The following RFX4 variants were observed in gnomAD, a reference collection of about 807,000 sequenced individuals.
RFX4 encodes regulatory factor X4.
A neutral mutation model predicts 95.0 loss-of-function variants in RFX4; 10 were observed. That is an observed-to-expected ratio of 0.11 (90% CI 0.06 to 0.18). The LOEUF (loss-of-function observed/expected upper bound fraction) is 0.18. RFX4 is among the 10% of genes least tolerant of loss of function. RFX4 has a pLI of 1.00. For missense variants in RFX4, 640 were observed against 922.0 expected (o/e 0.69, Z 3.96); for synonymous variants, 321 against 340.7 (o/e 0.94, Z 0.64).
intron 16 of RFX4, among the ~76,000 whole-genome samples, chr12:106,748,671 G>A (rs967365430): frequency 9.9e-5 from 15 of 152,130 alleles, no homozygotes; most frequent in African/African-American, 3.1e-4. Context: ...GATCCTGACC[G>A]GGCACAGTGG....
At chr12:106,732,608 G>A (rs779626553) in intron 14 of RFX4, among the ~76,000 whole-genome samples, 43 of 152,146 alleles carry the variant, frequency 2.8e-4, no homozygotes, top group African/African-American at 1.4e-4. Flanking sequence ...GCTGAGGCAC[G>A]AGAATCACTT....
chr12:106,724,419 C>G (rs920952056), intron 13 of RFX4, among the ~76,000 whole-genome samples: 7 of 152,216 alleles, frequency 4.6e-5, no homozygotes, highest in Non-Finnish European at 1.0e-4. Context: ...ACTCTGGGCT[C>G]AGATGCATGC....
intron 15 of RFX4, among the ~76,000 whole-genome samples, chr12:106,741,851 A>G (rs2042809863): frequency 6.6e-6 from 1 of 152,204 alleles, no homozygotes; most frequent in Non-Finnish European, 1.5e-5. Context: ...TCAGATCATC[A>G]GGCATAGACT....
rs898997153 is a variant in RFX4, at chr12:106,761,126, C to T, written c.1936-71C>T. ...TAAGAAATTTAACTTAAACTATAAA[C>T]ATGACTGATATTGTGTATATGCAAC... On this transcript the variant is annotated intron_variant, in intron 17 of 17. Coordinates refer to ENST00000392842, the MANE Select transcript of RFX4 (RefSeq NM_213594.3). The T allele has an allele frequency of 1.4e-5, 20 of 1,478,970 alleles. No individual in the cohort carries two copies. In the Middle Eastern group the frequency reaches 5.3e-4, roughly 39 times the overall value. 91.6% of individuals were successfully genotyped at this position (1,478,970 alleles called of 1,614,324 possible).
At chr12:106,677,327 G>A (rs2041412243) in intron 4 of RFX4, among the ~76,000 whole-genome samples, 1 of 152,054 alleles carries the variant, frequency 6.6e-6, no homozygotes, top group Non-Finnish European at 1.5e-5. Flanking sequence ...GTGTGGCCTT[G>A]GCATTCCAGG....
intron 17 of RFX4, among the ~76,000 whole-genome samples, chr12:106,759,939 G>C (rs2043180351): frequency 6.6e-6 from 1 of 152,080 alleles, no homozygotes; most frequent in African/African-American, 2.4e-5. Flanking sequence ...GCCTTCCCCA[G>C]CTCCCCTTAG....
At chr12:106,741,593 A>G (rs1282613747) in intron 15 of RFX4, among the ~76,000 whole-genome samples, 2 of 152,192 alleles carry the variant, frequency 1.3e-5, no homozygotes, top group African/African-American at 2.4e-5. Flanking sequence ...AATAGCCACG[A>G]GTGGCTATAG....
At chr12:106,730,307 A>G (rs1202796152) in intron 13 of RFX4, among the ~76,000 whole-genome samples, 1 of 152,218 alleles carries the variant, frequency 6.6e-6, no homozygotes, top group Non-Finnish European at 1.5e-5. Context: ...CCACTACCTT[A>G]TGTCTGAGAC....
At chr12:106,692,226 A>G (rs1310324356) in intron 7 of RFX4, among the ~76,000 whole-genome samples, 1 of 151,996 alleles carries the variant, frequency 6.6e-6, no homozygotes, top group Admixed American at 6.6e-5. Context: ...TACATTGCAC[A>G]ATAAGCTGTA....
At position 106,732,116 on chromosome 12, in the gene RFX4, C is replaced by CT; in HGVS notation, c.1352-7dup. ...AGCACGACTTACTTTCTGTTTGATC[C>CT]TTTTTTTCACCAGGGTCTTTTCACC... On this transcript the variant is annotated splice_polypyrimidine_tract_variant and intron_variant, in intron 13 of 17. Coordinates refer to ENST00000392842, the MANE Select transcript of RFX4 (RefSeq NM_213594.3). The CT allele has an allele frequency of 6.2e-7, 1 of 1,611,606 alleles. No individual in the cohort carries two copies. Among genetic ancestry groups the CT allele is most frequent in the African/African-American group, 1.3e-5 (1 of 74,938 alleles).
intron 3 of RFX4, among the ~76,000 whole-genome samples, chr12:106,647,607 T>C (rs1002505517): frequency 6.6e-6 from 1 of 152,164 alleles, no homozygotes; most frequent in Non-Finnish European, 1.5e-5. Flanking sequence ...CTGCAGTGTT[T>C]ACTGACTGTG....
At chr12:106,659,376 G>A (rs948189183) in intron 4 of RFX4, among the ~76,000 whole-genome samples, 22 of 151,980 alleles carry the variant, frequency 1.4e-4, no homozygotes, top group African/African-American at 5.3e-4. Context: ...TATAACTCTA[G>A]CTCTCCAGGG....
intron 15 of RFX4, among the ~76,000 whole-genome samples, chr12:106,739,755 A>G (rs2042775276): frequency 6.6e-6 from 1 of 152,202 alleles, no homozygotes; most frequent in South Asian, 2.1e-4. Flanking sequence ...AGATTTCCAC[A>G]AGGTAAGATC....
At chr12:106,633,281 C>T (rs1453591543) in intron 2 of RFX4, among the ~76,000 whole-genome samples, 1 of 152,192 alleles carries the variant, frequency 6.6e-6, no homozygotes, top group Non-Finnish European at 1.5e-5. Context: ...CTATCAGTAG[C>T]CACTGGATTG....
At chr12:106,596,939 A>G (rs954701012) in intron 1 of RFX4, among the ~76,000 whole-genome samples, 1 of 152,244 alleles carries the variant, frequency 6.6e-6, no homozygotes, top group Non-Finnish European at 1.5e-5. Context: ...ACTTTCTAGG[A>G]AGCCTGGCCC....
chr12:106,644,912 G>A (rs2040712572), intron 3 of RFX4, among the ~76,000 whole-genome samples: 1 of 152,166 alleles, frequency 6.6e-6, no homozygotes, highest in African/African-American at 2.4e-5. Context: ...GACACTGGCC[G>A]CACCACTAAG....
chr12:106,594,301 T>G (rs948729345), intron 1 of RFX4, among the ~76,000 whole-genome samples: 1 of 152,196 alleles, frequency 6.6e-6, no homozygotes, highest in African/African-American at 2.4e-5. Context: ...AGAGAAGATT[T>G]CTAAAGCGTC....
In RFX4 at chr12:106,670,964, ATGTG is replaced by A. The variant is rs138862458; in HGVS notation, c.316-11025_316-11022del. 7.2e-3 allele frequency among the ~76,000 whole-genome samples: 1,102 copies of A among 152,206 alleles called. 14 individuals carry two copies. The highest frequency in any genetic ancestry group is 0.026 in the African/African-American group (1,063 of 41,516). On this transcript the variant is annotated intron_variant, in intron 4 of 17. Transcript: ENST00000392842. ...TCTCTTGTTCAAAGCATTGTTTCTT[ATGTG>A]TGTTTTTAAAAATATGCCACAAGAT... is the stretch of plus-strand genomic sequence containing the variant.
chr12:106,732,818 G>C, intron 14 of RFX4, 106 bp from the exon 15 acceptor site: 1 of 1,121,882 alleles, frequency 8.9e-7, no homozygotes, highest in Non-Finnish European at 1.3e-6. Flanking sequence ...AGTTTGACAA[G>C]AGAGTGACAT....
Sources: allele counts gnomAD v4.1 joint callset (sites outside exome capture counted in the v4.1 genomes callset), GRCh38; gene constraint gnomAD v4.1.1; transcripts MANE v1.5; gene names NCBI Gene and HGNC (gene_info 2026-07-23, HGNC 2026-07-21).